MBD5: variants seen among roughly 807,000 people sequenced by gnomAD.
The protein encoded by MBD5 is methyl-CpG-binding domain protein 5.
A neutral mutation model predicts 117.3 loss-of-function variants in MBD5; 13 were observed. The observed-to-expected ratio is 0.11, with a 90% CI of 0.07 to 0.18. The LOEUF is 0.18. MBD5 is among the 10% of genes least tolerant of loss of function. The pLI is 1.00. For missense variants in MBD5, 1,879 were observed against 2,093.8 expected, an observed-to-expected ratio of 0.90 and a Z score of 2.00; for synonymous variants, 727 against 766.4, an observed-to-expected ratio of 0.95 and a Z score of 0.85.
chr2:148,040,310 T>A (rs1332419725), intron 1 of MBD5, among the ~76,000 whole-genome samples: 1 of 152,132 alleles, frequency 6.6e-6, no homozygotes, highest in African/African-American at 2.4e-5. Flanking sequence ...TGAGCCATGA[T>A]TGTGTGACTG....
chr2:148,311,679 G>C (rs761763981), intron 3 of MBD5, among the ~76,000 whole-genome samples: 3 of 152,160 alleles, frequency 2.0e-5, no homozygotes, highest in Non-Finnish European at 4.4e-5. Flanking sequence ...GTCTGAATTT[G>C]ATCCTGTCAT....
intron 4 of MBD5, among the ~76,000 whole-genome samples, chr2:148,363,530 G>T (rs1703603609): frequency 6.6e-6 from 1 of 152,134 alleles, no homozygotes; most frequent in Non-Finnish European, 1.5e-5. Context: ...ACCACACGCA[G>T]CCTCTGAGAA....
intron 4 of MBD5, among the ~76,000 whole-genome samples, chr2:148,438,544 T>C (rs1303988779): frequency 6.6e-6 from 1 of 152,220 alleles, no homozygotes; most frequent in Non-Finnish European, 1.5e-5. Flanking sequence ...GAAGGAAGGA[T>C]ATTTGGCTTC....
chr2:148,423,267 A>C (rs1705667955), intron 4 of MBD5, among the ~76,000 whole-genome samples: 1 of 152,140 alleles, frequency 6.6e-6, no homozygotes, highest in African/African-American at 2.4e-5. Flanking sequence ...AAGAGAGTGG[A>C]GGCCAATATA....
intron 1 of MBD5, among the ~76,000 whole-genome samples, chr2:148,033,635 A>C (rs1366995036): frequency 6.6e-6 from 1 of 152,204 alleles, no homozygotes; most frequent in Non-Finnish European, 1.5e-5. Context: ...AAATATCACA[A>C]AGATGTAATA....
intron 4 of MBD5, among the ~76,000 whole-genome samples, chr2:148,343,531 A>T (rs145118729): frequency 1.1e-3 from 165 of 152,122 alleles, no homozygotes; most frequent in African/African-American, 3.4e-3. Context: ...ATTAGTGATA[A>T]TAAGCACTTT....
intron 3 of MBD5, among the ~76,000 whole-genome samples, chr2:148,266,972 C>T (rs1011593792): frequency 2.6e-5 from 4 of 152,094 alleles, no homozygotes; most frequent in African/African-American, 7.2e-5. Context: ...CTGTATGTCA[C>T]ACTCTACGGA....
rs1295231023 is a variant in MBD5, at chr2:148,153,786, T to G, written c.-924-24914T>G. Among the ~76,000 whole-genome samples, 9 of 139,400 alleles carry G rather than the reference T, an allele frequency of 6.5e-5. No individual in the cohort carries two copies. The East Asian group carries it at 1.7e-3, about 26-fold the overall frequency. 91.5% of individuals were successfully genotyped at this position (139,400 alleles called of 152,430 possible). ...TAGTTCTCGAGCCTTGGTTTTCAGC[T>G]CCATCAGCTCCTTTAAGCACTTCTC... On this transcript the variant is annotated intron_variant, in intron 1 of 13. Coordinates refer to ENST00000642680, the MANE Select transcript of MBD5 (RefSeq NM_001378120.1).
At chr2:148,057,414 T>C (rs988389527) in intron 1 of MBD5, among the ~76,000 whole-genome samples, 2 of 151,894 alleles carry the variant, frequency 1.3e-5, no homozygotes, top group Non-Finnish European at 2.9e-5. Flanking sequence ...ATAAGGTTTT[T>C]GTTTTTTTTA....
chr2:148,096,424 C>T (rs1460928038), intron 1 of MBD5, among the ~76,000 whole-genome samples: 1 of 152,032 alleles, frequency 6.6e-6, no homozygotes, highest in Admixed American at 6.6e-5. Flanking sequence ...TCCAAAATGT[C>T]AACAATGTGA....
At chr2:148,343,199 A>G (rs757639968) in intron 4 of MBD5, among the ~76,000 whole-genome samples, 54 of 151,956 alleles carry the variant, frequency 3.6e-4, no homozygotes, top group Non-Finnish European at 5.2e-4. Context: ...TACGTAGATT[A>G]TGGAATCTTT....
At chr2:148,045,259 G>A (rs77174782) in intron 1 of MBD5, among the ~76,000 whole-genome samples, 1 of 152,152 alleles carries the variant, frequency 6.6e-6, no homozygotes, top group African/African-American at 2.4e-5. Context: ...CCGTTTTACA[G>A]ATGAGAAAGC....
intron 2 of MBD5, among the ~76,000 whole-genome samples, chr2:148,200,495 C>T (rs1328639810): frequency 6.6e-6 from 1 of 151,934 alleles, no homozygotes; most frequent in African/African-American, 2.4e-5. Flanking sequence ...ATTGAGACCA[C>T]CCTGGCTAAC....
chr2:148,183,490 G>A (rs571283666), intron 2 of MBD5, among the ~76,000 whole-genome samples: 163 of 150,308 alleles, frequency 1.1e-3, no homozygotes, highest in Middle Eastern at 3.4e-3. Flanking sequence ...CACTTTGAAT[G>A]TTTTCTGAAT....
intron 2 of MBD5, among the ~76,000 whole-genome samples, chr2:148,179,177 A>AC (rs1361725687): frequency 6.6e-6 from 1 of 152,026 alleles, no homozygotes; most frequent in Non-Finnish European, 1.5e-5. Context: ...ACACGGTGAA[A>AC]CCCGGTCTCT....
chr2:148,422,740 A>G (rs1471389774), intron 4 of MBD5, among the ~76,000 whole-genome samples: 2 of 152,184 alleles, frequency 1.3e-5, no homozygotes, highest in Non-Finnish European at 2.9e-5. Flanking sequence ...AAGAACATAA[A>G]TGACCTCATG....
At chr2:148,113,565 A>G (rs1696552095) in intron 1 of MBD5, among the ~76,000 whole-genome samples, 1 of 152,212 alleles carries the variant, frequency 6.6e-6, no homozygotes, top group Non-Finnish European at 1.5e-5. Flanking sequence ...GAGTAGTCTC[A>G]ATATACCTTA....
chr2:148,479,099 A>G (rs562897578), intron 8 of MBD5, among the ~76,000 whole-genome samples: 1 of 152,270 alleles, frequency 6.6e-6, no homozygotes, highest in African/African-American at 2.4e-5. Context: ...ATTTTCCTCC[A>G]TCTATAAAAT....
intron 3 of MBD5, among the ~76,000 whole-genome samples, chr2:148,245,633 G>T (rs1417251794): frequency 6.6e-6 from 1 of 152,024 alleles, no homozygotes; most frequent in Admixed American, 6.6e-5. Context: ...TAAGTATAAA[G>T]AATTAAGTTT....
Sources: allele counts gnomAD v4.1 joint callset (sites outside exome capture counted in the v4.1 genomes callset), GRCh38; gene constraint gnomAD v4.1.1; transcripts MANE v1.5; gene names NCBI Gene and HGNC (gene_info 2026-07-23, HGNC 2026-07-21).